PRTFDC1: variants seen among roughly 807,000 people sequenced by gnomAD.
PRTFDC1 encodes the protein phosphoribosyltransferase domain-containing protein 1.
In PRTFDC1, 38 loss-of-function variants were observed where a neutral mutation model predicts 34.6. That is an observed-to-expected ratio of 1.10 (90% CI 0.85 to 1.44). The LOEUF is 1.44. PRTFDC1 is among the 40% of genes most tolerant of loss of function. PRTFDC1 has a pLI of 0.00. For synonymous variants in PRTFDC1, 93 were observed against 98.1 expected, an observed-to-expected ratio of 0.95 and a Z score of 0.31; for missense variants, 270 against 283.0, an observed-to-expected ratio of 0.95 and a Z score of 0.33.
chr10:24,862,411 A>G (rs1161630591), intron 4 of PRTFDC1, among the ~76,000 whole-genome samples: 2 of 151,798 alleles, frequency 1.3e-5, no homozygotes, highest in Admixed American at 1.3e-4. Context: ...GTCTCACTCT[A>G]TTGCCCAGGC....
intron 3 of PRTFDC1, among the ~76,000 whole-genome samples, chr10:24,918,063 C>T (rs965457889): frequency 6.6e-6 from 1 of 152,078 alleles, no homozygotes; most frequent in African/African-American, 2.4e-5. Context: ...GGGAGGAGAG[C>T]TGTCACCTGA....
intron 4 of PRTFDC1, 78 bp downstream of exon 4, chr10:24,871,920 T>G: frequency 7.8e-7 from 1 of 1,278,928 alleles, no homozygotes; most frequent in Non-Finnish European, 1.1e-6. Flanking sequence ...TGAAATGTCC[T>G]GTGAGTGCTG....
At chr10:24,852,247 G>T (rs2132485127) in intron 7 of PRTFDC1, among the ~76,000 whole-genome samples, 1 of 152,066 alleles carries the variant, frequency 6.6e-6, no homozygotes, top group Non-Finnish European at 1.5e-5. Context: ...CCACCACCAG[G>T]GTTCAAGCCA....
intron 3 of PRTFDC1, among the ~76,000 whole-genome samples, chr10:24,893,189 A>C (rs1436725494): frequency 6.6e-6 from 1 of 152,216 alleles, no homozygotes. Flanking sequence ...AATTTTCATG[A>C]GTCCATCTCT....
chr10:24,887,095 C>T (rs1335677124), intron 3 of PRTFDC1, among the ~76,000 whole-genome samples: 9 of 150,586 alleles, frequency 6.0e-5, no homozygotes, highest in Admixed American at 6.6e-5. Context: ...CTCAGCCTCC[C>T]GAGTAGCTGG....
intron 8 of PRTFDC1, 110 bp downstream of exon 8, chr10:24,851,278 C>A: frequency 6.9e-7 from 1 of 1,441,498 alleles, no homozygotes; most frequent in Non-Finnish European, 9.2e-7. Context: ...ATACTCCTGA[C>A]ATAGAAGATA....
intron 6 of PRTFDC1, among the ~76,000 whole-genome samples, chr10:24,856,547 T>C (rs940255519): frequency 6.6e-6 from 1 of 152,092 alleles, no homozygotes; most frequent in Non-Finnish European, 1.5e-5. Context: ...GAGATTGTGC[T>C]ACTGCACTCC....
intron 3 of PRTFDC1, among the ~76,000 whole-genome samples, chr10:24,903,604 G>A (rs765890678): frequency 2.0e-5 from 3 of 152,090 alleles, no homozygotes; most frequent in African/African-American, 7.2e-5. Context: ...GTCTAGAGAG[G>A]TCTCACAGCT....
chr10:24,859,981 A>G (rs1262240436), intron 4 of PRTFDC1, among the ~76,000 whole-genome samples: 1 of 152,222 alleles, frequency 6.6e-6, no homozygotes, highest in African/African-American at 2.4e-5. Flanking sequence ...TATGACTGTT[A>G]ATATGCCATC....
rs150414639 is a variant in PRTFDC1, at chr10:24,878,783, G to T, written c.340-6720C>A. 3.2e-3 allele frequency among the ~76,000 whole-genome samples: 487 copies of T among 152,250 alleles called. 3 individuals are homozygous for T. The highest frequency in any genetic ancestry group is 0.014 in the Middle Eastern group (4 of 294). ...ATCCTGTCCTTTTGAGGAACCAGAA[G>T]AGGAAAAGTAAAGAAAACAAATAAA... On this transcript the variant is annotated intron_variant, in intron 3 of 8. Coordinates refer to ENST00000320152, the MANE Select transcript of PRTFDC1 (RefSeq NM_020200.7).
intron 3 of PRTFDC1, among the ~76,000 whole-genome samples, chr10:24,901,665 G>A (rs1016734607): frequency 1.3e-5 from 2 of 152,148 alleles, no homozygotes; most frequent in Admixed American, 1.3e-4. Context: ...GTAGGAGGAG[G>A]CTGCAGTGAG....
At chr10:24,941,996 T>C (rs1217134531) in intron 2 of PRTFDC1, among the ~76,000 whole-genome samples, 1 of 152,224 alleles carries the variant, frequency 6.6e-6, no homozygotes, top group Non-Finnish European at 1.5e-5. Flanking sequence ...CAAAGTTTAT[T>C]TGATCACGGA....
rs565518068 is a variant in PRTFDC1 at position 24,952,353 on chromosome 10, T to A, written c.48+175A>T. Among the ~76,000 whole-genome samples, 3 of 151,634 alleles carry A rather than the reference T, an allele frequency of 2.0e-5. No individual in the cohort carries two copies. Among genetic ancestry groups the A allele is most frequent in the Admixed American group, 1.3e-4 (2 of 15,232 alleles). Reference sequence around the variant, plus strand: ...GGACGGGACTCAGAGTTTCGTCAGATTGGGGGCGGGGAGAGGAGGCCCGGG... The same window carrying A: ...GGACGGGACTCAGAGTTTCGTCAGAATGGGGGCGGGGAGAGGAGGCCCGGG... On this transcript the variant is annotated intron_variant, in intron 1 of 8. Coordinates refer to ENST00000320152, the MANE Select transcript of PRTFDC1 (RefSeq NM_020200.7). This position sits in a 1 kb window ranked among gnomAD's most constrained non-coding sequence, Gnocchi z 5.1.
intron 3 of PRTFDC1, among the ~76,000 whole-genome samples, chr10:24,932,308 A>G (rs1029828012): frequency 1.3e-5 from 2 of 151,914 alleles, no homozygotes; most frequent in Non-Finnish European, 1.5e-5. Context: ...AACTGGCATG[A>G]TCATGCAATA....
intron 4 of PRTFDC1, among the ~76,000 whole-genome samples, chr10:24,865,926 A>C (rs983189697): frequency 6.6e-6 from 1 of 152,220 alleles, no homozygotes; most frequent in Non-Finnish European, 1.5e-5. Context: ...TAATTCACAA[A>C]ATTTCCAGAA....
chr10:24,881,185 GC>G (rs1300055714), intron 3 of PRTFDC1, among the ~76,000 whole-genome samples: 3 of 151,640 alleles, frequency 2.0e-5, no homozygotes, highest in African/African-American at 7.3e-5. Flanking sequence ...TCCCACTTCA[GC>G]CCCCCAAGTA....
intron 3 of PRTFDC1, among the ~76,000 whole-genome samples, chr10:24,902,411 G>A (rs1436922547): frequency 6.6e-6 from 1 of 152,134 alleles, no homozygotes; most frequent in Non-Finnish European, 1.5e-5. Flanking sequence ...TTGAAAAGGT[G>A]CATGTCATTG....
intron 4 of PRTFDC1, among the ~76,000 whole-genome samples, chr10:24,871,069 T>TAAAA (rs11314430): frequency 4.9e-5 from 5 of 103,084 alleles, no homozygotes; most frequent in Non-Finnish European, 5.5e-5. Flanking sequence ...AGACTCTGTC[T>TAAAA]AAAAAAAAAA....
At chr10:24,876,819 T>C (rs1454574290) in intron 3 of PRTFDC1, among the ~76,000 whole-genome samples, 1 of 151,944 alleles carries the variant, frequency 6.6e-6, no homozygotes, top group Non-Finnish European at 1.5e-5. Flanking sequence ...AATTTCTTTT[T>C]CTTCTTTCCC....
Sources: gnomAD v4.1 joint callset for allele counts (sites outside exome capture counted in the v4.1 genomes callset) on GRCh38, gnomAD v4.1.1 for gene constraint, Gnocchi (gnomAD v3.1) non-coding constraint, MANE v1.5 for transcripts, NCBI Gene and HGNC (gene_info 2026-07-23, HGNC 2026-07-21) for gene names.